KPNA6: variants seen among roughly 807,000 people sequenced by gnomAD.
The protein encoded by KPNA6 is karyopherin subunit alpha 6.
In KPNA6, 9 loss-of-function variants were observed where a neutral mutation model predicts 72.0. That is an observed-to-expected ratio of 0.13 (90% CI 0.08 to 0.22). KPNA6 has a LOEUF of 0.22. Among genes scored for constraint, KPNA6 ranks in the 10% least tolerant of loss-of-function variants. The pLI, the probability that KPNA6 is intolerant of heterozygous loss-of-function variation, is 1.00. For synonymous variants in KPNA6, 219 were observed against 242.1 expected (o/e 0.90, Z 0.89); for missense variants, 374 against 655.7 (o/e 0.57, Z 4.69).
chr1:32,113,390 CA>C (rs935786930), intron 1 of KPNA6, among the ~76,000 whole-genome samples: 1 of 151,864 alleles, frequency 6.6e-6, no homozygotes, highest in Non-Finnish European at 1.5e-5. Flanking sequence ...GATCTTGTCT[CA>C]AAAAAACCCC....
At chr1:32,160,887 T>C (rs1379032253) in intron 7 of KPNA6, among the ~76,000 whole-genome samples, 184 bp downstream of exon 7, 1 of 152,228 alleles carries the variant, frequency 6.6e-6, no homozygotes, top group Non-Finnish European at 1.5e-5. Context: ...CCGGGCATGG[T>C]GGCTTATGCC....
Position 32,171,308 on chromosome 1 carries a change from C to G in KPNA6, c.*414C>G, listed in dbSNP as rs541809661. ...TTTTCATTCTTCCCGGTCCTCTGCC[C>G]TGATCTGTGTAACTCTTATCTTGGG... On this transcript the variant is annotated 3_prime_UTR_variant, in exon 14 of 14. Coordinates refer to ENST00000373625, the MANE Select transcript of KPNA6 (RefSeq NM_012316.5). The G allele has an allele frequency of 5.9e-6, 1 of 170,932 alleles. No homozygotes were observed. The highest frequency in any genetic ancestry group is 2.4e-5 in the African/African-American group (1 of 41,848). 10.6% of individuals were successfully genotyped at this position (170,932 alleles called of 1,614,324 possible).
intron 1 of KPNA6, among the ~76,000 whole-genome samples, chr1:32,122,001 C>A (rs913907101): frequency 7.0e-6 from 1 of 142,944 alleles, no homozygotes; most frequent in African/African-American, 2.6e-5. Context: ...AGGCTGGGCG[C>A]GGTGGCTCAC....
intron 1 of KPNA6, among the ~76,000 whole-genome samples, chr1:32,150,954 C>T (rs1229183619): frequency 6.6e-6 from 1 of 152,026 alleles, no homozygotes; most frequent in Non-Finnish European, 1.5e-5. Context: ...CAGGGTCTCA[C>T]TCTGTTGCCC....
At chr1:32,148,071 T>G (rs1641962125) in intron 1 of KPNA6, among the ~76,000 whole-genome samples, 1 of 152,198 alleles carries the variant, frequency 6.6e-6, no homozygotes, top group Admixed American at 6.5e-5. Flanking sequence ...TGTCTTTGGC[T>G]TTCATCAGTT....
At chr1:32,153,571 CAAAA>C (rs554895996) in intron 1 of KPNA6, among the ~76,000 whole-genome samples, 65 of 60,474 alleles carry the variant, frequency 1.1e-3, no homozygotes, top group African/African-American at 3.5e-3. Context: ...AACTCTGTCT[CAAAA>C]AAAAAAAAAA....
At chr1:32,118,972 A>G (rs72666750) in intron 1 of KPNA6, among the ~76,000 whole-genome samples, 8,373 of 120,650 alleles carry the variant, frequency 0.069, 534 homozygotes, top group East Asian at 0.24. Context: ...AGCCATATAT[A>G]TGTGTGTGTG....
chr1:32,174,938 G>A lies in KPNA6; in HGVS notation c.*4044G>A, dbSNP rs991377712. The A allele has an allele frequency of 2.6e-5, 4 of 152,238 alleles. No individual in the cohort carries two copies. The highest frequency in any genetic ancestry group is 7.2e-5 in the African/African-American group (3 of 41,452). The allele number at this position is 152,238 out of a possible 1,614,324, so 9.4% of individuals were successfully genotyped here. On this transcript the variant is annotated 3_prime_UTR_variant, in exon 14 of 14. Coordinates refer to ENST00000373625, the MANE Select transcript of KPNA6 (RefSeq NM_012316.5). ...GTTCTGGACCAACCTTGTCCAGTAT[G>A]TTTTCTGTTTGAGCTTTTTCATTCT...
At chr1:32,131,500 G>A (rs750792068) in intron 1 of KPNA6, among the ~76,000 whole-genome samples, 4 of 151,554 alleles carry the variant, frequency 2.6e-5, no homozygotes, top group Non-Finnish European at 4.4e-5. Context: ...ATTTTTTAAA[G>A]TAAAAAAAGA....
chr1:32,127,826 C>G (rs114002601), intron 1 of KPNA6, among the ~76,000 whole-genome samples: 231 of 152,352 alleles, frequency 1.5e-3, no homozygotes, highest in African/African-American at 4.8e-3. Flanking sequence ...CACTCTCACT[C>G]TCTGAACTCA....
At chr1:32,141,461 G>A (rs1286881049) in intron 1 of KPNA6, among the ~76,000 whole-genome samples, 1 of 132,104 alleles carries the variant, frequency 7.6e-6, no homozygotes, top group South Asian at 2.3e-4. Flanking sequence ...GCAGTGGCGC[G>A]ATCTTGGCTT....
intron 13 of KPNA6, 99 bp downstream of exon 13, chr1:32,170,159 T>TGGATGCTTCCCAA: frequency 2.0e-6 from 2 of 1,016,648 alleles, no homozygotes; most frequent in Non-Finnish European, 2.9e-6. Flanking sequence ...TTGGGAAGCA[T>TGGATGCTTCCCAA]CCATAGCTTC....
At chr1:32,118,911 ATAAT>A (rs1398828111) in intron 1 of KPNA6, among the ~76,000 whole-genome samples, 11 of 150,028 alleles carry the variant, frequency 7.3e-5, no homozygotes, top group Non-Finnish European at 1.3e-4. Context: ...TCAATAAGTG[ATAAT>A]TAATAGCTGT....
chr1:32,173,386 GAT>G lies in KPNA6; in HGVS notation c.*2493_*2494del, dbSNP rs1642472767. On this transcript the variant is annotated 3_prime_UTR_variant, in exon 14 of 14. Transcript: ENST00000373625. ...GGCTTCAGCTCCGGGTCCTGTACCA[GAT>G]GGAAAATGTTTTTGGTGATCTGGCT... 3.1e-6 allele frequency: 1 copy of G among 326,392 alleles called. No homozygotes were observed. Among genetic ancestry groups the G allele is most frequent in the Non-Finnish European group, 5.5e-6 (1 of 181,522 alleles). The allele number at this position is 326,392 out of a possible 1,614,324, so 20.2% of individuals were successfully genotyped here.
At chr1:32,144,037 ATATAC>A (rs1641887793) in intron 1 of KPNA6, among the ~76,000 whole-genome samples, 2 of 152,174 alleles carry the variant, frequency 1.3e-5, no homozygotes, top group African/African-American at 4.8e-5. Context: ...ACCAAACCCT[ATATAC>A]TATATTATTT....
intron 1 of KPNA6, among the ~76,000 whole-genome samples, chr1:32,112,024 C>G (rs1316049212): frequency 6.6e-6 from 1 of 152,182 alleles, no homozygotes; most frequent in African/African-American, 2.4e-5. Flanking sequence ...AAACTCTAAA[C>G]CAATCATTGT....
intron 1 of KPNA6, among the ~76,000 whole-genome samples, chr1:32,116,515 G>A (rs762631459): frequency 6.6e-6 from 1 of 151,968 alleles, no homozygotes; most frequent in African/African-American, 2.4e-5. Context: ...AAAATTAGCC[G>A]GGTGTGGTGG....
chr1:32,123,164 A>G (rs903496990), intron 1 of KPNA6, among the ~76,000 whole-genome samples: 2 of 152,130 alleles, frequency 1.3e-5, no homozygotes, highest in African/African-American at 4.8e-5. Flanking sequence ...GGTGGGAGTT[A>G]AGGGAAACAG....
At chr1:32,140,340 T>G (rs1641815504) in intron 1 of KPNA6, among the ~76,000 whole-genome samples, 3 of 151,742 alleles carry the variant, frequency 2.0e-5, no homozygotes, top group Non-Finnish European at 2.9e-5. Context: ...GCTGAGATGG[T>G]GCCACTGCAC....
Sources: gnomAD v4.1 joint callset for allele counts (sites outside exome capture counted in the v4.1 genomes callset) on GRCh38, gnomAD v4.1.1 for gene constraint, MANE v1.5 for transcripts, NCBI Gene and HGNC (gene_info 2026-07-23, HGNC 2026-07-21) for gene names.